The following CORO1A variants were observed in gnomAD, a reference collection of about 807,000 sequenced individuals.
CORO1A encodes coronin 1A.
A neutral mutation model predicts 44.1 loss-of-function variants in CORO1A; 17 were observed. That is an observed-to-expected ratio of 0.39 (90% CI 0.26 to 0.58). The LOEUF (loss-of-function observed/expected upper bound fraction) is 0.58. Ranked by LOEUF, CORO1A falls within the 20% of genes least tolerant of loss-of-function variation. The probability of loss-of-function intolerance (pLI) is 0.62; values close to 1 mark genes in which losing one functional copy is unlikely to be tolerated. For synonymous variants in CORO1A, 271 were observed against 244.2 expected, an observed-to-expected ratio of 1.11 and a Z score of -1.02; for missense variants, 415 against 606.5, an observed-to-expected ratio of 0.68 and a Z score of 3.32.
chr16:30,186,428 T>G, intron 2 of CORO1A, 170 bp from the exon 3 acceptor site: 1 of 763,832 alleles, frequency 1.3e-6, no homozygotes, highest in Non-Finnish European at 2.2e-6. Flanking sequence ...CCAGGCCATT[T>G]TGGGACTGGA....
At chr16:30,185,836 A>G (rs2073327232) in intron 2 of CORO1A, 1 of 250,534 alleles carries the variant, frequency 4.0e-6, no homozygotes, top group Admixed American at 5.1e-5. Context: ...ATGATGCAAG[A>G]GGTGCTCTCC....
At position 30,187,155 on chromosome 16, in the gene CORO1A, C is replaced by A; in HGVS notation, c.568C>A (p.Leu190Ile). 6.2e-7 allele frequency: 1 copy of A among 1,614,002 alleles called. No homozygotes were observed. The highest frequency in any genetic ancestry group is 2.2e-5 in the East Asian group (1 of 44,880). The stretch of plus-strand genomic sequence containing the variant: ...TGTGGACTGGAGCCGAGATGGAGGC[C>A]TCATTTGTACCTCCTGCCGTGACAA... ...YSVDWSRDGG[L>I]ICTSCRDKRV... Residue 190 changes from leucine (L) to isoleucine (I), a missense_variant, in exon 5 of 11, where the codon CTC (leucine) becomes ATC (isoleucine). By Grantham distance (5) the Leu-to-Ile change is conservative (BLOSUM62 2). This residue lies in a region of CORO1A where 325 missense variants were observed against 521.7 expected (regional missense o/e 0.62). Coordinates refer to ENST00000219150, the MANE Select transcript of CORO1A (RefSeq NM_007074.4).
intron 2 of CORO1A, chr16:30,185,943 G>A (rs970215134): frequency 5.1e-6 from 1 of 197,552 alleles, no homozygotes; most frequent in East Asian, 1.2e-4. Flanking sequence ...TCTTTGGGGG[G>A]TAAGACAGGA....
In CORO1A at chr16:30,188,015, C is replaced by T. The variant is rs1475606701; in HGVS notation, c.935C>T (p.Ser312Phe). The T allele has an allele frequency of 6.2e-7, 1 of 1,613,954 alleles. No individual in the cohort carries two copies. The change falls in exon 8 of 11, where the codon TCC (serine) becomes TTC (phenylalanine). Residue 312 changes from serine to phenylalanine, a missense_variant. By Grantham distance (155) the Ser-to-Phe change is radical (BLOSUM62 -2). This residue lies in a region of CORO1A where 325 missense variants were observed against 521.7 expected (regional missense o/e 0.62). Coordinates refer to ENST00000219150, the MANE Select transcript of CORO1A (RefSeq NM_007074.4). ...PFLHYLSMFS[S>F]KESQRGMGYM... ...CTGCACTATCTCTCCATGTTCAGTTCCAAGGAGTCCCAGCGGGGCATGGGC... is the reference window on the plus strand; with the variant it reads ...CTGCACTATCTCTCCATGTTCAGTTTCAAGGAGTCCCAGCGGGGCATGGGC...
chr16:30,188,344 C>A lies in CORO1A; in HGVS notation c.1066-17C>A. 2 of 1,613,632 alleles carry A rather than the reference C, an allele frequency of 1.2e-6. No individual in the cohort carries two copies. Among genetic ancestry groups the A allele is most frequent in the Non-Finnish European group, 1.7e-6 (2 of 1,179,732 alleles). ...TGGCATAAGCGCTTTCCTCACTATC[C>A]CTGGCCTTGCCCACAGTCGGACCTG... is the stretch of plus-strand genomic sequence containing the variant. On this transcript the variant is annotated splice_polypyrimidine_tract_variant and intron_variant, in intron 9 of 10. Transcript: ENST00000219150.
chr16:30,185,725 G>C, intron 2 of CORO1A: 1 of 420,620 alleles, frequency 2.4e-6, no homozygotes, highest in East Asian at 4.7e-5. Context: ...GGGTTGGGAT[G>C]GGGTCTGGGG....
Position 30,183,861 on chromosome 16 carries a change from C to A in CORO1A, c.-2+136C>A, listed in dbSNP as rs1050612026. 7 of 151,714 alleles carry A rather than the reference C, an allele frequency of 4.6e-5. No homozygotes were observed. Among genetic ancestry groups the A allele is most frequent in the Admixed American group, 2.6e-4 (4 of 15,208 alleles). 9.4% of individuals were successfully genotyped at this position (151,714 alleles called of 1,614,324 possible). ...GCCAGCGCCGGGGCCAGGTAGCGGG[C>A]GCAGCAGCCCGTGGGGGGACGCTGC... On this transcript the variant is annotated intron_variant, in intron 1 of 10. Coordinates refer to ENST00000219150, the MANE Select transcript of CORO1A (RefSeq NM_007074.4). The surrounding 1 kb of genome is among the most constrained non-coding windows in gnomAD (Gnocchi z 5.0).
chr16:30,186,338 CAG>C (rs753119197), intron 2 of CORO1A: 10 of 507,918 alleles, frequency 2.0e-5, no homozygotes, highest in Non-Finnish European at 3.6e-5. Flanking sequence ...CAGACTGAGA[CAG>C]AGACCGGCGG....
In CORO1A at chr16:30,187,093, C is replaced by T. The variant is rs748052416; in HGVS notation, c.506C>T (p.Thr169Ile). The T allele has an allele frequency of 1.9e-6, 3 of 1,614,004 alleles. No homozygotes were observed. Among genetic ancestry groups the T allele is most frequent in the African/African-American group, 1.3e-5 (1 of 74,930 alleles). The change falls in exon 5 of 11, where the codon ACA (threonine) becomes ATA (isoleucine). Residue 169 changes from threonine to isoleucine, a missense_variant. By Grantham distance (89) the Thr-to-Ile change is moderately conservative. This residue lies in a region of CORO1A where 325 missense variants were observed against 521.7 expected (regional missense o/e 0.62). Transcript: ENST00000219150. ...WDVGTGAAML[T>I]LGPEVHPDTI... Reference sequence around the variant, plus strand: ...GTGGGCACTGGGGCGGCCATGCTGACACTGGGCCCAGAGGTGCACCCAGAC... The same window carrying T: ...GTGGGCACTGGGGCGGCCATGCTGATACTGGGCCCAGAGGTGCACCCAGAC...
At position 30,188,094 on chromosome 16, in the gene CORO1A, G is replaced by A. The variant is rs2073364647; in HGVS notation, c.1007+7G>A. The stretch of plus-strand genomic sequence containing the variant: ...ACAAGTGTGAGATCGCCAGGTGACT[G>A]ACCCCCGGCCCTGACCGCAGCATGC... On this transcript the variant is annotated splice_region_variant and intron_variant, in intron 8 of 10. Coordinates refer to ENST00000219150, the MANE Select transcript of CORO1A (RefSeq NM_007074.4). 2 of 1,613,638 alleles carry A rather than the reference G, an allele frequency of 1.2e-6. No individual in the cohort carries two copies. Among genetic ancestry groups the A allele is most frequent in the East Asian group, 2.2e-5 (1 of 44,876 alleles).
rs759710991 is a variant in CORO1A at position 30,187,275 on chromosome 16, T to C, written c.636+52T>C. On this transcript the variant is annotated intron_variant, in intron 5 of 10. Coordinates refer to ENST00000219150, the MANE Select transcript of CORO1A (RefSeq NM_007074.4). ...GACCCTACAGCCTTTATCCTTCTTA[T>C]CCACCATCAGCCAGGCCCTTGGATG... The C allele has an allele frequency of 9.3e-6, 15 of 1,605,232 alleles. No individual in the cohort carries two copies. The Admixed American group carries it at 1.2e-4, about 12-fold the overall frequency.
Position 30,187,434 on chromosome 16 carries a change from C to G in CORO1A, c.689C>G (p.Ser230Trp). 2 of 1,610,830 alleles carry G rather than the reference C, an allele frequency of 1.2e-6. No individual in the cohort carries two copies. Among genetic ancestry groups the G allele is most frequent in the Non-Finnish European group, 1.7e-6 (2 of 1,180,010 alleles). Residue 230 changes from serine to tryptophan, a missense_variant, in exon 6 of 11, where the codon TCG becomes TGG. Around this residue, in one of 2 missense-constraint regions of CORO1A, gnomAD observed 325 missense variants for 521.7 expected, o/e 0.62. Transcript: ENST00000219150. ...GTRPVRAVFV[S>W]EGKILTTGFS... ...CGGCCCGTGCGTGCAGTGTTCGTGT[C>G]GGAGGGGAAGATCCTGACCACGGGC... is the stretch of plus-strand genomic sequence containing the variant.
At position 30,188,146 on chromosome 16, in the gene CORO1A, C is replaced by T. The variant is rs1355014889; in HGVS notation, c.1008-46C>T. The T allele has an allele frequency of 1.9e-6, 3 of 1,613,734 alleles. No individual in the cohort carries two copies. In the African/African-American group the frequency reaches 4.0e-5, roughly 22 times the overall value. On this transcript the variant is annotated intron_variant, in intron 8 of 10. Coordinates refer to ENST00000219150, the MANE Select transcript of CORO1A (RefSeq NM_007074.4). ...CCTTGGGCAGTGGGCAGTCCCAAGC[C>T]CACCCAACCAGACTGTGGGCCCCGC...
chr16:30,188,396 C>A lies in CORO1A; in HGVS notation c.1101C>A (p.Thr367=). The A allele has an allele frequency of 1.2e-6, 2 of 1,613,812 alleles. No homozygotes were observed. The highest frequency in any genetic ancestry group is 1.7e-6 in the Non-Finnish European group (2 of 1,179,998). The part of the protein sequence containing the change: ...DLFQEDLYPP[T]AGPDPALTAE... ...TCCAGGAGGACCTGTACCCACCCACCGCAGGGCCCGACCCTGCCCTCACGG... is the reference window on the plus strand; with the variant it reads ...TCCAGGAGGACCTGTACCCACCCACAGCAGGGCCCGACCCTGCCCTCACGG... Residue 367 remains threonine (T), a synonymous_variant, in exon 10 of 11, where the codon ACC becomes ACA. Coordinates refer to ENST00000219150, the MANE Select transcript of CORO1A (RefSeq NM_007074.4).
rs755772686 is a variant in CORO1A, at chr16:30,185,393, C to T, written c.184C>T (p.Leu62=). ...EASGGGAFLV[L]PLGKTGRVDK... ...CAGCGGGGGAGGGGCCTTCCTGGTG[C>T]TGCCCCTGGGCAAGGTGAGCCCCTG... Residue 62 remains leucine (L), a synonymous_variant, in exon 2 of 11, where the codon CTG becomes TTG. Transcript: ENST00000219150. The T allele has an allele frequency of 2.5e-6, 4 of 1,613,584 alleles. No homozygotes were observed. The East Asian group carries it at 8.9e-5, about 36-fold the overall frequency.
intron 1 of CORO1A, 129 bp from the exon 2 acceptor site, chr16:30,185,080 T>C (rs2073318030): frequency 1.1e-6 from 1 of 874,710 alleles, no homozygotes; most frequent in South Asian, 1.4e-5. Flanking sequence ...GAGGGAAGAA[T>C]AGGGAGCCCC....
rs763606361 is a variant in CORO1A at position 30,187,812 on chromosome 16, G to A, written c.844G>A (p.Val282Ile). Residue 282 changes from valine to isoleucine, a missense_variant, in exon 7 of 11, where the codon GTC (valine) becomes ATC (isoleucine). Physicochemically the swap from Val to Ile is conservative, Grantham distance 29. Around this residue, in one of 2 missense-constraint regions of CORO1A, gnomAD observed 325 missense variants for 521.7 expected, o/e 0.62. Transcript: ENST00000219150. ...LPFFDPDTNI[V>I]YLCGKGDSSI... is the part of the protein sequence containing the mutation. ...CTTCTTTGACCCTGACACCAACATC[G>A]TCTACCTCTGTGGCAAGGTGGCCTC... The A allele has an allele frequency of 6.6e-6, 10 of 1,512,116 alleles. No homozygotes were observed. In the East Asian group the frequency reaches 8.0e-5, roughly 12 times the overall value. 93.7% of individuals were successfully genotyped at this position (1,512,116 alleles called of 1,614,324 possible). A position where few individuals can be genotyped will look rare whatever the true frequency, so the allele number is the denominator to read the frequency against.
chr16:30,187,356 G>A, intron 5 of CORO1A, 26 bp from the exon 6 acceptor site: 2 of 1,609,088 alleles, frequency 1.2e-6, no homozygotes, highest in Non-Finnish European at 1.7e-6. Flanking sequence ...ACGGGTGCCT[G>A]ACCTACCACC....
chr16:30,183,788 G>C lies in CORO1A; in HGVS notation c.-2+63G>C, dbSNP rs1398389824. ...GAGGGCCACCTGTGGGGCGGCGCGC[G>C]CGTGGGAGCCGCGGGCTGCGGGGGC... On this transcript the variant is annotated intron_variant, in intron 1 of 10. Transcript: ENST00000219150. The surrounding 1 kb of genome is among the most constrained non-coding windows in gnomAD (Gnocchi z 5.0). 6.6e-6 allele frequency: 1 copy of C among 151,554 alleles called. No homozygotes were observed. The highest frequency in any genetic ancestry group is 2.1e-4 in the South Asian group (1 of 4,842). The allele number at this position is 151,554 out of a possible 1,614,324, so 9.4% of individuals were successfully genotyped here. A position where few individuals can be genotyped will look rare whatever the true frequency, so the allele number is the denominator to read the frequency against.
Sources: gnomAD v4.1 joint callset for allele counts on GRCh38, gnomAD v4.1.1 for gene constraint, gnomAD v4.1.1 regional missense constraint, Gnocchi (gnomAD v3.1) non-coding constraint, MANE v1.5 for transcripts, NCBI Gene and HGNC (gene_info 2026-07-23, HGNC 2026-07-21) for gene names.